The following CEP63 variants were observed in gnomAD, a reference collection of about 807,000 sequenced individuals.
CEP63 encodes the protein centrosomal protein 63.
CEP63 carries 84 observed loss-of-function variants against 89.1 expected under a neutral mutation model. The ratio of observed to expected loss-of-function variants is 0.94; its 90% CI spans 0.79 to 1.13. The LOEUF is 1.13. Among genes scored for constraint, CEP63 ranks in the 50% most tolerant of loss-of-function variants. The pLI, the probability that CEP63 is intolerant of heterozygous loss-of-function variation, is 0.00. For missense variants in CEP63, 838 were observed against 813.3 expected (o/e 1.03, Z -0.37); for synonymous variants, 267 against 272.5 (o/e 0.98, Z 0.20).
At chr3:134,595,490 A>T in the CEP63 span, among the ~76,000 whole-genome samples, 2 of 152,164 alleles carry the variant, frequency 1.3e-5, no homozygotes, top group Non-Finnish European at 2.9e-5. Flanking sequence ...AGCTACCTTT[A>T]AGCTGGGATT....
chr3:134,702,960 T>G, the CEP63 span, among the ~76,000 whole-genome samples: 1 of 152,266 alleles, frequency 6.6e-6, no homozygotes, highest in Admixed American at 6.5e-5. Flanking sequence ...AGCAATCTCA[T>G]TAATGGGTAT....
the CEP63 span, among the ~76,000 whole-genome samples, chr3:134,670,434 G>A: frequency 6.6e-6 from 1 of 152,230 alleles, no homozygotes; most frequent in Admixed American, 6.5e-5. Context: ...CCAGTGTGAA[G>A]AGAACAGAGT....
chr3:134,731,443 A>G, the CEP63 span, among the ~76,000 whole-genome samples: 1 of 152,224 alleles, frequency 6.6e-6, no homozygotes, highest in Non-Finnish European at 1.5e-5. Context: ...AAAATGAGAA[A>G]TAAACAAACA....
At chr3:134,552,945 C>G (rs985282785) in intron 12 of CEP63, 2 of 152,060 alleles carry the variant, frequency 1.3e-5, no homozygotes, top group Non-Finnish European at 1.5e-5. Flanking sequence ...ATACAAGCTT[C>G]TGTGAAACCA....
chr3:134,518,435 T>C (rs1163929207), intron 3 of CEP63, among the ~76,000 whole-genome samples: 3 of 152,232 alleles, frequency 2.0e-5, no homozygotes, highest in African/African-American at 4.8e-5. Context: ...ATTAGAATCA[T>C]GTTTTTTGAC....
the CEP63 span, chr3:134,647,506 T>C: frequency 1.3e-6 from 2 of 1,595,716 alleles, no homozygotes; most frequent in Non-Finnish European, 1.7e-6. Context: ...TCCTGCAAAA[T>C]AACAAGCTTC....
intron 3 of CEP63, chr3:134,511,432 C>G (rs1355038334): frequency 6.5e-6 from 1 of 153,734 alleles, no homozygotes; most frequent in Admixed American, 6.5e-5. Context: ...AATCAAAATA[C>G]TTCTTTCAAG....
chr3:134,568,023 A>C (rs1000941957), downstream of CEP63, among the ~76,000 whole-genome samples: 13 of 152,268 alleles, frequency 8.5e-5, no homozygotes, highest in Non-Finnish European at 1.5e-4. Flanking sequence ...AGAAAAGCCA[A>C]GTACATTACC....
the CEP63 span, among the ~76,000 whole-genome samples, chr3:134,778,600 C>T: frequency 4.6e-5 from 7 of 151,978 alleles, no homozygotes. Flanking sequence ...GCTCTGTCAC[C>T]CAGGCTGGAG....
At chr3:134,628,462 G>A in the CEP63 span, among the ~76,000 whole-genome samples, 1 of 152,192 alleles carries the variant, frequency 6.6e-6, no homozygotes, top group East Asian at 1.9e-4. Flanking sequence ...AGGTGGGGAT[G>A]CCAAGGCAGG....
chr3:134,720,577 G>A, the CEP63 span, among the ~76,000 whole-genome samples: 1 of 152,046 alleles, frequency 6.6e-6, no homozygotes, highest in Non-Finnish European at 1.5e-5. Context: ...GTTTTCCTCT[G>A]AGAGTTTTAT....
chr3:134,698,325 G>A, the CEP63 span, among the ~76,000 whole-genome samples: 2 of 152,206 alleles, frequency 1.3e-5, no homozygotes, highest in Non-Finnish European at 2.9e-5. Context: ...AAAGGGGCAT[G>A]CCAAGCAGCA....
At chr3:134,499,922 C>T (rs1348128544) in intron 2 of CEP63, among the ~76,000 whole-genome samples, 2 of 143,060 alleles carry the variant, frequency 1.4e-5, no homozygotes, top group Non-Finnish European at 3.0e-5. Flanking sequence ...CTTCTGGGTT[C>T]AAGTGAGTCT....
chr3:134,633,425 G>A, the CEP63 span, among the ~76,000 whole-genome samples: 1 of 152,024 alleles, frequency 6.6e-6, no homozygotes, highest in Non-Finnish European at 1.5e-5. Context: ...GGTTTATTTT[G>A]GGAATGCAAA....
chr3:134,486,304 C>T (rs973312037), intron 1 of CEP63, 102 bp downstream of exon 1: 1 of 985,564 alleles, frequency 1.0e-6, no homozygotes, highest in Non-Finnish European at 1.2e-6. Flanking sequence ...CTGGAGGCGG[C>T]CCAGGCTGCC....
At position 134,549,895 on chromosome 3, in the gene CEP63, A is replaced by C. The variant is rs6768323; in HGVS notation, c.1183-168A>C. Among the ~76,000 whole-genome samples the C allele has an allele frequency of 0.32, 48,397 of 152,096 alleles. 7,986 individuals are homozygous for C. The highest frequency in any genetic ancestry group is 0.36 in the African/African-American group (14,842 of 41,484). On this transcript the variant is annotated intron_variant, in intron 10 of 14. Transcript: ENST00000675561. ...TTGTAGGTATAACCACCTGACCTTC[A>C]GTACAGATATGCAACTTGGTAAATT...
At chr3:134,673,985 G>C in the CEP63 span, among the ~76,000 whole-genome samples, 1 of 152,182 alleles carries the variant, frequency 6.6e-6, no homozygotes, top group African/African-American at 2.4e-5. Context: ...CCTATGTCCA[G>C]GTCCATGTCT....
At chr3:134,594,780 T>A in the CEP63 span, among the ~76,000 whole-genome samples, 18 of 152,352 alleles carry the variant, frequency 1.2e-4, 1 homozygote, top group Admixed American at 1.2e-3. Flanking sequence ...AATGTTCACT[T>A]CAAAAATTTA....
chr3:134,545,694 G>A lies in CEP63; in HGVS notation c.664G>A (p.Ala222Thr), dbSNP rs1324470575. The change falls in exon 7 of 15, where the codon GCC becomes ACC. Residue 222 changes from alanine (A) to threonine (T), a missense_variant. Ala to Thr is a moderately conservative substitution (Grantham distance 58). Coordinates refer to ENST00000675561, the MANE Select transcript of CEP63 (RefSeq NM_001353108.3). ...KLERANDTIC[A>T]NELEIERLTM... ...GGAGCGGGCTAATGACACTATCTGT[G>A]CCAATGAGTTGGAAATAGAGCGCCT... The A allele has an allele frequency of 1.2e-6, 2 of 1,614,088 alleles. No homozygotes were observed. The highest frequency in any genetic ancestry group is 8.5e-7 in the Non-Finnish European group (1 of 1,180,024).
Sources: gnomAD v4.1 joint callset for allele counts (sites outside exome capture counted in the v4.1 genomes callset) on GRCh38, gnomAD v4.1.1 for gene constraint, MANE v1.5 for transcripts, NCBI Gene and HGNC (gene_info 2026-07-23, HGNC 2026-07-21) for gene names.